The following FMO1 variants were observed in gnomAD, a reference collection of about 807,000 sequenced individuals.
FMO1 encodes flavin-containing monooxygenase 1.
In FMO1, 36 loss-of-function variants were observed where a neutral mutation model predicts 45.4. The ratio of observed to expected loss-of-function variants is 0.79; its 90% CI spans 0.61 to 1.05. FMO1 has a LOEUF of 1.05. Among genes scored for constraint, FMO1 ranks in the 50% least tolerant of loss-of-function variants. The pLI is 0.00. For synonymous variants in FMO1, 228 were observed against 227.2 expected (o/e 1.00, Z -0.03); for missense variants, 615 against 640.3 (o/e 0.96, Z 0.43).
intron 3 of FMO1, among the ~76,000 whole-genome samples, chr1:171,268,554 G>A (rs1241082140): frequency 6.6e-6 from 1 of 152,226 alleles, no homozygotes; most frequent in African/African-American, 2.4e-5. Flanking sequence ...TCAGAGGCTG[G>A]AGACAGGAGG....
At chr1:171,274,629 G>A (rs1314066545) in intron 3 of FMO1, among the ~76,000 whole-genome samples, 1 of 152,112 alleles carries the variant, frequency 6.6e-6, no homozygotes, top group Non-Finnish European at 1.5e-5. Context: ...AACCCATTAA[G>A]AGGGACTTAA....
chr1:171,275,754 A>G (rs1661083281), intron 4 of FMO1, among the ~76,000 whole-genome samples: 1 of 152,102 alleles, frequency 6.6e-6, no homozygotes, highest in Non-Finnish European at 1.5e-5. Flanking sequence ...AAGTATTTTT[A>G]TGCTTTACCA....
At chr1:171,255,837 G>T (rs992585968) in intron 1 of FMO1, among the ~76,000 whole-genome samples, 1 of 152,150 alleles carries the variant, frequency 6.6e-6, no homozygotes, top group Non-Finnish European at 1.5e-5. Context: ...GGTCAGACCT[G>T]CTGTCTTTAT....
intron 2 of FMO1, among the ~76,000 whole-genome samples, chr1:171,263,011 G>A (rs1019357157): frequency 6.6e-6 from 1 of 151,890 alleles, no homozygotes; most frequent in African/African-American, 2.4e-5. Context: ...ATAGAGAGAA[G>A]GTCTCTATTT....
At chr1:171,265,658 G>C (rs998291456) in intron 2 of FMO1, among the ~76,000 whole-genome samples, 1 of 152,122 alleles carries the variant, frequency 6.6e-6, no homozygotes, top group African/African-American at 2.4e-5. Flanking sequence ...CAAATATTTT[G>C]TATGAAATTG....
At position 171,285,463 on chromosome 1, in the gene FMO1, G is replaced by T. The variant is rs754979679; in HGVS notation, c.1518G>T (p.Glu506Asp). 6.4e-7 allele frequency: 1 copy of T among 1,560,974 alleles called. No homozygotes were observed. The highest frequency in any genetic ancestry group is 2.0e-5 in the Admixed American group (1 of 50,562). ...TCATCAAAGCTCGAGTTGTACAAGA[G>T]TCTCCATCTCCCTTTGAAAGTTTTC... ...FKVIKARVVQESPSPFESFLK... is the reference protein window; with the variant it reads ...FKVIKARVVQDSPSPFESFLK... The change falls in exon 9 of 9, where the codon GAG becomes GAT. Residue 506 changes from glutamate to aspartate, a missense_variant. Physicochemically the swap from Glu to Asp is conservative, Grantham distance 45. Coordinates refer to ENST00000617670, the MANE Select transcript of FMO1 (RefSeq NM_001282693.2).
At chr1:171,278,980 C>A (rs1174787546) in intron 5 of FMO1, 109 bp downstream of exon 5, 1 of 824,374 alleles carries the variant, frequency 1.2e-6, no homozygotes, top group Admixed American at 3.9e-5. Flanking sequence ...GTCTCACATG[C>A]AAACAACAGA....
chr1:171,257,355 G>C (rs1248158110), intron 1 of FMO1, among the ~76,000 whole-genome samples: 1 of 152,140 alleles, frequency 6.6e-6, no homozygotes, highest in Admixed American at 6.5e-5. Context: ...AGTGGTGACT[G>C]TGCCATGTGC....
chr1:171,268,895 T>C (rs532847321), intron 3 of FMO1, among the ~76,000 whole-genome samples: 69 of 152,332 alleles, frequency 4.5e-4, no homozygotes, highest in Admixed American at 2.2e-3. Context: ...TGGGAGGTAA[T>C]TGAACCATGG....
intron 7 of FMO1, 185 bp downstream of exon 7, chr1:171,282,518 T>C: frequency 2.0e-6 from 1 of 495,024 alleles, no homozygotes; most frequent in Non-Finnish European, 3.5e-6. Context: ...GCATAAATGG[T>C]ATATCAGGGT....
At chr1:171,264,875 G>GGCGACAGA (rs1387042461) in intron 2 of FMO1, among the ~76,000 whole-genome samples, 1 of 151,778 alleles carries the variant, frequency 6.6e-6, no homozygotes, top group East Asian at 1.9e-4. Context: ...CTCCTTCCTG[G>GGCGACAGA]GCGACAGAGC....
At chr1:171,249,777 T>C (rs1404233609) in intron 1 of FMO1, among the ~76,000 whole-genome samples, 1 of 152,120 alleles carries the variant, frequency 6.6e-6, no homozygotes, top group Non-Finnish European at 1.5e-5. Context: ...AATAGAGGGC[T>C]GGATACAAAT....
At position 171,285,182 on chromosome 1, in the gene FMO1, C is replaced by G. The variant is rs1269659475; in HGVS notation, c.1257-20C>G. On this transcript the variant is annotated intron_variant, in intron 8 of 8. Coordinates refer to ENST00000617670, the MANE Select transcript of FMO1 (RefSeq NM_001282693.2). ...AGTTTTTTTGTCTTCACCTTTTCCC[C>G]CAATCTTCCTTTTATAAAGGTTTGG... The G allele has an allele frequency of 2.0e-6, 3 of 1,493,122 alleles. No homozygotes were observed. Among genetic ancestry groups the G allele is most frequent in the Admixed American group, 4.2e-5 (2 of 48,172 alleles). 92.5% of individuals were successfully genotyped at this position (1,493,122 alleles called of 1,614,324 possible).
rs577487000 is a variant in FMO1, at chr1:171,283,209, C to A, written c.1249C>A (p.Pro417Thr). The A allele has an allele frequency of 2.1e-6, 3 of 1,417,898 alleles. No individual in the cohort carries two copies. The highest frequency in any genetic ancestry group is 1.6e-5 in the African/African-American group (1 of 60,894). The allele number at this position is 1,417,898 out of a possible 1,614,324, so 87.8% of individuals were successfully genotyped here. A position where few individuals can be genotyped will look rare whatever the true frequency, so the allele number is the denominator to read the frequency against. The change falls in exon 8 of 9, where the codon CCC becomes ACC. Residue 417 changes from proline (P) to threonine (T), a missense_variant. Physicochemically the swap from Pro to Thr is conservative, Grantham distance 38 (BLOSUM62 -1). Transcript: ENST00000617670. ...AATTAATGCAAGGAAAGAAAACAAG[C>A]CCAGTTGGTAAGTTAACTACTTAAT... ...EEINARKENK[P>T]SWFGLCYCKA...
At position 171,285,269 on chromosome 1, in the gene FMO1, T is replaced by C. The variant is rs1661576469; in HGVS notation, c.1324T>C (p.Tyr442His). 6.2e-7 allele frequency: 1 copy of C among 1,613,972 alleles called. No individual in the cohort carries two copies. Residue 442 changes from tyrosine (Y) to histidine (H), a missense_variant, in exon 9 of 9, where the codon TAT becomes CAT. Transcript: ENST00000617670. ...YITYIDELLTYINAKPNLFSM... is the reference protein window; with the variant it reads ...YITYIDELLTHINAKPNLFSM... The stretch of plus-strand genomic sequence containing the variant: ...CACATACATAGATGAACTCCTGACC[T>C]ATATCAATGCAAAACCCAACCTGTT...
chr1:171,266,072 A>G (rs1203491178), intron 2 of FMO1, among the ~76,000 whole-genome samples: 1 of 152,194 alleles, frequency 6.6e-6, no homozygotes, highest in Non-Finnish European at 1.5e-5. Context: ...TAATCTTTCA[A>G]TGAAAGAAAA....
At chr1:171,268,263 T>A (rs2101817438) in intron 3 of FMO1, among the ~76,000 whole-genome samples, 1 of 152,294 alleles carries the variant, frequency 6.6e-6, no homozygotes, top group African/African-American at 2.4e-5. Context: ...GCTTTTTATA[T>A]TTTTTAGCGA....
intron 2 of FMO1, among the ~76,000 whole-genome samples, chr1:171,262,688 G>C (rs2101806960): frequency 6.6e-6 from 1 of 152,220 alleles, no homozygotes; most frequent in East Asian, 1.9e-4. Flanking sequence ...TTCATTAAAA[G>C]CCTTATTTCT....
In FMO1 at chr1:171,282,167, T is replaced by A; in HGVS notation, c.1017T>A (p.Asp339Glu). ...ACACATTTGCTTTCCCCTTCCTTGA[T>A]GAGTCTGTAGTGAAAGTTGAAGATG... ...TGYTFAFPFL[D>E]ESVVKVEDGQ... Residue 339 changes from aspartate to glutamate, a missense_variant, in exon 7 of 9, where the codon GAT (aspartate) becomes GAA (glutamate). Asp to Glu is a conservative substitution (Grantham distance 45, BLOSUM62 2). Transcript: ENST00000617670. The A allele has an allele frequency of 6.2e-7, 1 of 1,614,036 alleles. No homozygotes were observed. The highest frequency in any genetic ancestry group is 1.6e-4 in the Middle Eastern group (1 of 6,062).
Sources: allele counts gnomAD v4.1 joint callset (sites outside exome capture counted in the v4.1 genomes callset), GRCh38; gene constraint gnomAD v4.1.1; transcripts MANE v1.5; gene names NCBI Gene and HGNC (gene_info 2026-07-23, HGNC 2026-07-21).